The following GRIK2 variants were observed in gnomAD, a reference collection of about 807,000 sequenced individuals.
GRIK2 encodes glutamate ionotropic receptor kainate type subunit 2, also known as glutamate receptor ionotropic, kainate 2.
GRIK2 carries 32 observed loss-of-function variants against 100.3 expected under a neutral mutation model. The observed-to-expected ratio is 0.32, with a 90% confidence interval of 0.24 to 0.43. The LOEUF is 0.43. Ranked by LOEUF, GRIK2 falls within the 20% of genes least tolerant of loss-of-function variation. GRIK2 has a pLI of 1.00. For missense variants in GRIK2, 843 were observed against 1,114.9 expected, an observed-to-expected ratio of 0.76 and a Z score of 3.47; for synonymous variants, 417 against 389.4, an observed-to-expected ratio of 1.07 and a Z score of -0.83.
rs2114427151 is a variant in GRIK2 at position 102,035,489 on chromosome 6, T to C, written c.2234T>C (p.Val745Ala). 1 of 1,610,136 alleles carries C rather than the reference T, an allele frequency of 6.2e-7. No individual in the cohort carries two copies. ...FLMESTTIEF[V>A]TQRNCNLTQI... ...ATGGAGTCAACAACCATCGAGTTTG[T>C]TACCCAGCGGAACTGTAACCTGACA... Residue 745 changes from valine (V) to alanine (A), a missense_variant, in exon 15 of 17, where the codon GTT becomes GCT. Coordinates refer to ENST00000369134, the MANE Select transcript of GRIK2 (RefSeq NM_021956.5).
chr6:101,752,979 A>G (rs1371675877), intron 7 of GRIK2, among the ~76,000 whole-genome samples: 2 of 152,144 alleles, frequency 1.3e-5, no homozygotes, highest in Non-Finnish European at 2.9e-5. Context: ...AATATGGTAA[A>G]ACTGAATATT....
chr6:102,031,439 A>T (rs1228997421), intron 14 of GRIK2, among the ~76,000 whole-genome samples: 3 of 97,060 alleles, frequency 3.1e-5, no homozygotes, highest in Non-Finnish European at 5.8e-5. Context: ...CACATATTTT[A>T]CTTATTTATT....
chr6:101,670,053 C>G (rs1005100646), intron 4 of GRIK2, among the ~76,000 whole-genome samples: 1 of 151,962 alleles, frequency 6.6e-6, no homozygotes, highest in African/African-American at 2.4e-5. Flanking sequence ...AAACTGTTCT[C>G]TAGACTGTTT....
intron 14 of GRIK2, among the ~76,000 whole-genome samples, chr6:101,958,106 G>T (rs2128481376): frequency 6.6e-6 from 1 of 151,996 alleles, no homozygotes; most frequent in East Asian, 1.9e-4. Flanking sequence ...TAGGAAGTAT[G>T]GTCATTTTAA....
At chr6:101,845,431 G>T (rs777928101) in intron 10 of GRIK2, among the ~76,000 whole-genome samples, 2 of 152,112 alleles carry the variant, frequency 1.3e-5, no homozygotes, top group Non-Finnish European at 2.9e-5. Context: ...TTTTGTGTCT[G>T]CCTGCTTTCA....
intron 2 of GRIK2, among the ~76,000 whole-genome samples, chr6:101,536,295 GA>G (rs1775688959): frequency 6.6e-6 from 1 of 151,466 alleles, no homozygotes; most frequent in Non-Finnish European, 1.5e-5. Flanking sequence ...TATTAAACCA[GA>G]AAAAAAGTAT....
rs142391999 is a variant in GRIK2 at position 101,510,510 on chromosome 6, GTTTTTTT to G, written c.115+111142_115+111148del. 2.2e-3 allele frequency among the ~76,000 whole-genome samples: 210 copies of G among 94,362 alleles called. 4 individuals are homozygous for G. The highest frequency in any genetic ancestry group is 7.0e-3 in the African/African-American group (179 of 25,396). The allele number at this position is 94,362 out of a possible 152,430, so 61.9% of individuals were successfully genotyped here. A position where few individuals can be genotyped will look rare whatever the true frequency, so the allele number is the denominator to read the frequency against. On this transcript the variant is annotated intron_variant, in intron 2 of 16. Transcript: ENST00000369134. Reference sequence around the variant, plus strand: ...GTCAGATCATGATCCCAGTTGGGGAGTTTTTTTTTTTTTTTTTTTTTTTTTTTTTTGA... The same window carrying G: ...GTCAGATCATGATCCCAGTTGGGGAGTTTTTTTTTTTTTTTTTTTTTTTGA...
In GRIK2 at chr6:101,823,104, T is replaced by A. The variant is rs545467685; in HGVS notation, c.1317+4621T>A. 2.6e-5 allele frequency among the ~76,000 whole-genome samples: 4 copies of A among 152,266 alleles called. No individual in the cohort carries two copies. In the South Asian group the frequency reaches 8.3e-4, roughly 32 times the overall value. Reference sequence around the variant, plus strand: ...TACTCTTGCGTGAATATGTTGGGTTTCTAGTCTCTGCACTCCCCTCATTTA... The same window carrying A: ...TACTCTTGCGTGAATATGTTGGGTTACTAGTCTCTGCACTCCCCTCATTTA... On this transcript the variant is annotated intron_variant, in intron 10 of 16. Transcript: ENST00000369134.
intron 4 of GRIK2, among the ~76,000 whole-genome samples, chr6:101,670,674 TG>T (rs376954276): frequency 3.9e-4 from 60 of 152,290 alleles, no homozygotes; most frequent in African/African-American, 1.4e-3. Flanking sequence ...AATTTCTTAA[TG>T]TTTTTTAATT....
intron 2 of GRIK2, among the ~76,000 whole-genome samples, chr6:101,404,898 C>T (rs1255153146): frequency 1.3e-5 from 2 of 152,158 alleles, no homozygotes; most frequent in East Asian, 3.9e-4. Flanking sequence ...AGATTAAACA[C>T]TGAAGAGGAA....
At chr6:101,509,145 G>A (rs1273553795) in intron 2 of GRIK2, among the ~76,000 whole-genome samples, 2 of 127,504 alleles carry the variant, frequency 1.6e-5, no homozygotes, top group African/African-American at 3.2e-5. Flanking sequence ...GTGACAGAGC[G>A]AGACTCTGTC....
intron 2 of GRIK2, among the ~76,000 whole-genome samples, chr6:101,420,786 G>A (rs538662396): frequency 4.2e-4 from 64 of 152,268 alleles, no homozygotes; most frequent in Admixed American, 8.5e-4. Flanking sequence ...AAAGTTCCAC[G>A]ATGTGCAAAT....
intron 2 of GRIK2, among the ~76,000 whole-genome samples, chr6:101,611,715 C>T (rs1779683897): frequency 1.3e-5 from 2 of 151,692 alleles, no homozygotes. Context: ...GGAGACCAGA[C>T]ACTCCTCCTC....
intron 7 of GRIK2, among the ~76,000 whole-genome samples, chr6:101,689,376 C>G (rs1771933854): frequency 6.6e-6 from 1 of 152,054 alleles, no homozygotes; most frequent in Admixed American, 6.6e-5. Context: ...TGTGTAAGAT[C>G]ATAGTGCTCA....
chr6:101,907,955 C>CT lies in GRIK2; in HGVS notation c.1749-16642dup, dbSNP rs1788357944. ...TTTGGAATTTTCTTCCTCCTCTCCCCTTTTATCTTCCTCCTCCTTCTTCAT... is the reference window on the plus strand; with the variant it reads ...TTTGGAATTTTCTTCCTCCTCTCCCCTTTTTATCTTCCTCCTCCTTCTTCAT... On this transcript the variant is annotated intron_variant, in intron 12 of 16. Coordinates refer to ENST00000369134, the MANE Select transcript of GRIK2 (RefSeq NM_021956.5). Among the ~76,000 whole-genome samples, 4 of 151,586 alleles carry CT rather than the reference C, an allele frequency of 2.6e-5. No homozygotes were observed. The South Asian group carries it at 8.3e-4, about 31-fold the overall frequency.
chr6:102,060,373 TAAG>T (rs897700202), intron 16 of GRIK2, among the ~76,000 whole-genome samples: 16 of 150,816 alleles, frequency 1.1e-4, no homozygotes, highest in African/African-American at 3.6e-4. Context: ...TGGGGGATGA[TAAG>T]AAGAAAATCA....
intron 4 of GRIK2, among the ~76,000 whole-genome samples, chr6:101,674,567 AGT>A (rs1211459183): frequency 6.6e-6 from 1 of 152,196 alleles, no homozygotes; most frequent in Non-Finnish European, 1.5e-5. Context: ...TACAAGTTCA[AGT>A]ACCTATTTTT....
intron 11 of GRIK2, among the ~76,000 whole-genome samples, chr6:101,888,631 AC>A (rs1786829397): frequency 6.6e-6 from 1 of 152,150 alleles, no homozygotes; most frequent in Admixed American, 6.6e-5. Context: ...GCACAAAAAC[AC>A]ACACAGAGAA....
Position 101,487,266 on chromosome 6 carries a change from G to A in GRIK2, c.115+87874G>A, listed in dbSNP as rs1327480162. ...CCAGGCTATTTTTCTTATGAACCAT[G>A]AGTTTTATTTCCATGAAACACTGGT... is the stretch of plus-strand genomic sequence containing the variant. On this transcript the variant is annotated intron_variant, in intron 2 of 16. Coordinates refer to ENST00000369134, the MANE Select transcript of GRIK2 (RefSeq NM_021956.5). Among the ~76,000 whole-genome samples, 3 of 146,354 alleles carry A rather than the reference G, an allele frequency of 2.0e-5. 1 individual carries two copies. Among genetic ancestry groups the A allele is most frequent in the African/African-American group, 5.2e-5 (2 of 38,332 alleles).
Sources: allele counts gnomAD v4.1 joint callset (sites outside exome capture counted in the v4.1 genomes callset), GRCh38; gene constraint gnomAD v4.1.1; transcripts MANE v1.5; gene names NCBI Gene and HGNC (gene_info 2026-07-23, HGNC 2026-07-21).